Variants in OPCML observed in about 807,000 individuals in gnomAD.
OPCML encodes the protein opioid-binding protein/cell adhesion molecule.
In OPCML, 13 loss-of-function variants were observed where a neutral mutation model predicts 37.8. The ratio of observed to expected loss-of-function variants is 0.34; its 90% confidence interval spans 0.22 to 0.55. The LOEUF (loss-of-function observed/expected upper bound fraction) is 0.55, where lower values mean the gene tolerates loss of function less well. Ranked by LOEUF, OPCML falls within the 20% of genes least tolerant of loss-of-function variation. The probability of loss-of-function intolerance (pLI) is 0.91; values close to 1 mark genes in which losing one functional copy is unlikely to be tolerated. For missense variants in OPCML, 341 were observed against 435.6 expected (o/e 0.78, Z 1.93); for synonymous variants, 176 against 168.8 (o/e 1.04, Z -0.33).
chr11:132,658,872 G>A (rs548121362), intron 2 of OPCML, among the ~76,000 whole-genome samples: 122 of 152,264 alleles, frequency 8.0e-4, no homozygotes, highest in African/African-American at 2.6e-3. Flanking sequence ...ACACATGCAT[G>A]AACTTGTATG....
At chr11:132,826,970 G>C (rs1940384797) in intron 2 of OPCML, among the ~76,000 whole-genome samples, 1 of 152,258 alleles carries the variant, frequency 6.6e-6, no homozygotes, top group Non-Finnish European at 1.5e-5. Context: ...ATATAGAACA[G>C]TAAGTCTCCA....
intron 7 of OPCML, 169 bp from the exon 8 acceptor site, chr11:132,420,462 G>T: frequency 1.1e-6 from 1 of 918,870 alleles, no homozygotes; most frequent in Non-Finnish European, 1.3e-6. Context: ...AACTCAAAGG[G>T]GCAAGCTGTT....
At chr11:133,458,533 A>ATACACATATATACACGTGTGTGTG (rs1946760843) in intron 1 of OPCML, among the ~76,000 whole-genome samples, 1 of 108,298 alleles carries the variant, frequency 9.2e-6, no homozygotes, top group Non-Finnish European at 1.6e-5. Flanking sequence ...CTGTGTGTGT[A>ATACACATATATACACGTGTGTGTG]TACACATATA....
chr11:132,468,946 A>C (rs2096127459), intron 4 of OPCML, among the ~76,000 whole-genome samples: 1 of 152,212 alleles, frequency 6.6e-6, no homozygotes, highest in African/African-American at 2.4e-5. Context: ...ACATGTCTAG[A>C]ATTATGCTCA....
chr11:133,492,495 A>G (rs796158266), intron 1 of OPCML, among the ~76,000 whole-genome samples: 6 of 152,262 alleles, frequency 3.9e-5, no homozygotes, highest in South Asian at 2.1e-4. Context: ...AATCATGGGT[A>G]AAAAGGCTGC....
At chr11:132,759,230 A>T (rs149290549) in intron 2 of OPCML, among the ~76,000 whole-genome samples, 1 of 152,138 alleles carries the variant, frequency 6.6e-6, no homozygotes, top group Non-Finnish European at 1.5e-5. Context: ...TTTCGCATCG[A>T]TGTTCATCAG....
intron 1 of OPCML, among the ~76,000 whole-genome samples, chr11:133,118,570 A>G (rs1949372233): frequency 6.6e-6 from 1 of 151,988 alleles, no homozygotes; most frequent in Non-Finnish European, 1.5e-5. Flanking sequence ...GGTGGTGAAG[A>G]GTCCTCCTAG....
intron 1 of OPCML, among the ~76,000 whole-genome samples, chr11:133,336,502 C>T (rs937262649): frequency 6.6e-6 from 1 of 152,122 alleles, no homozygotes; most frequent in East Asian, 1.9e-4. Context: ...GACATAGTAG[C>T]ATTGCTTTTA....
intron 6 of OPCML, 59 bp downstream of exon 6, chr11:132,436,600 A>G (rs2096013812): frequency 3.8e-6 from 6 of 1,598,742 alleles, no homozygotes; most frequent in Non-Finnish European, 4.3e-6. Context: ...TCCTTCTCCC[A>G]TGTGGGGATA....
At chr11:132,712,581 A>T (rs545582826) in intron 2 of OPCML, among the ~76,000 whole-genome samples, 9 of 152,230 alleles carry the variant, frequency 5.9e-5, no homozygotes, top group Non-Finnish European at 1.3e-4. Context: ...TGGGATTAAG[A>T]AGACGCAGTG....
intron 3 of OPCML, among the ~76,000 whole-genome samples, chr11:132,585,047 T>TA (rs1246721424): frequency 1.3e-5 from 2 of 152,180 alleles, no homozygotes; most frequent in African/African-American, 4.8e-5. Context: ...CCAGTTGACT[T>TA]ATGGTTCACT....
intron 4 of OPCML, among the ~76,000 whole-genome samples, chr11:132,503,096 T>G (rs1228968289): frequency 6.6e-6 from 1 of 152,206 alleles, no homozygotes; most frequent in African/African-American, 2.4e-5. Context: ...ACACTGCCAG[T>G]GCAGAAGCTA....
chr11:133,017,859 G>A (rs186058921), intron 1 of OPCML, among the ~76,000 whole-genome samples: 18 of 152,348 alleles, frequency 1.2e-4, no homozygotes, highest in East Asian at 1.9e-4. Context: ...ACCAGCAGTC[G>A]TTTTCAATGT....
At chr11:133,493,192 T>C (rs1947704051) in intron 1 of OPCML, among the ~76,000 whole-genome samples, 1 of 152,212 alleles carries the variant, frequency 6.6e-6, no homozygotes, top group South Asian at 2.1e-4. Flanking sequence ...CTCTGGCCTG[T>C]ACCCTTCTGA....
intron 1 of OPCML, among the ~76,000 whole-genome samples, chr11:133,251,580 G>A (rs575471497): frequency 1.3e-5 from 2 of 151,844 alleles, no homozygotes; most frequent in Admixed American, 6.6e-5. Context: ...CTTTTTTTGG[G>A]GGGGGGAGGG....
chr11:132,772,255 C>A (rs1178229163), intron 2 of OPCML: 1 of 152,204 alleles, frequency 6.6e-6, no homozygotes, highest in African/African-American at 2.4e-5. Context: ...CAGGACCTTG[C>A]TACCAAAGCT....
intron 2 of OPCML, among the ~76,000 whole-genome samples, chr11:132,903,930 G>A (rs1248140354): frequency 6.6e-6 from 1 of 152,238 alleles, no homozygotes; most frequent in Non-Finnish European, 1.5e-5. Flanking sequence ...ATTTGTCTTT[G>A]ATAGATGGCA....
intron 1 of OPCML, chr11:133,421,164 G>C: frequency 1.0e-6 from 1 of 985,404 alleles, no homozygotes; most frequent in Non-Finnish European, 1.2e-6. Flanking sequence ...TGAAATTTTA[G>C]TAAACTGTAT....
At chr11:132,565,271 C>G (rs887655511) in intron 3 of OPCML, among the ~76,000 whole-genome samples, 1 of 152,178 alleles carries the variant, frequency 6.6e-6, no homozygotes, top group Non-Finnish European at 1.5e-5. Context: ...CACTAATGCT[C>G]ATGCTCACCT....
Sources: gnomAD v4.1 joint callset for allele counts (sites outside exome capture counted in the v4.1 genomes callset) on GRCh38, gnomAD v4.1.1 for gene constraint, MANE v1.5 for transcripts, NCBI Gene and HGNC (gene_info 2026-07-23, HGNC 2026-07-21) for gene names.